The following CDC42BPA variants were observed in gnomAD, a reference collection of about 807,000 sequenced individuals.
CDC42BPA encodes serine/threonine-protein kinase MRCK alpha.
A neutral mutation model predicts 223.5 loss-of-function variants in CDC42BPA; 80 were observed. The ratio of observed to expected loss-of-function variants is 0.36; its 90% CI spans 0.30 to 0.43. The LOEUF (loss-of-function observed/expected upper bound fraction) is 0.43, where lower values mean the gene tolerates loss of function less well. Ranked by LOEUF, CDC42BPA falls within the 20% of genes least tolerant of loss-of-function variation. CDC42BPA has a pLI of 1.00. For missense variants in CDC42BPA, 1,743 were observed against 2,099.9 expected (o/e 0.83, Z 3.32); for synonymous variants, 694 against 718.6 (o/e 0.97, Z 0.55).
intron 1 of CDC42BPA, among the ~76,000 whole-genome samples, chr1:227,283,534 T>A (rs1370061759): frequency 6.6e-6 from 1 of 152,154 alleles, no homozygotes; most frequent in African/African-American, 2.4e-5. Flanking sequence ...TATAATTATA[T>A]TTATTTTCAA....
chr1:227,293,362 A>AGGGG, intron 1 of CDC42BPA, among the ~76,000 whole-genome samples: 2 of 152,214 alleles, frequency 1.3e-5, no homozygotes, highest in Non-Finnish European at 2.9e-5. Flanking sequence ...ATTACCACAA[A>AGGGG]AAGAGAATTA....
At chr1:227,256,539 T>C (rs1031711431) in intron 1 of CDC42BPA, among the ~76,000 whole-genome samples, 1 of 151,736 alleles carries the variant, frequency 6.6e-6, no homozygotes, top group Non-Finnish European at 1.5e-5. Context: ...GAAAAGATAC[T>C]CAACATCACT....
At chr1:227,197,833 T>C (rs1433483814) in intron 4 of CDC42BPA, among the ~76,000 whole-genome samples, 1 of 152,168 alleles carries the variant, frequency 6.6e-6, no homozygotes, top group African/African-American at 2.4e-5. Flanking sequence ...ATGTGGGATG[T>C]GTTTTAATTT....
intron 10 of CDC42BPA, among the ~76,000 whole-genome samples, chr1:227,137,609 A>C (rs1232293142): frequency 1.3e-5 from 2 of 152,008 alleles, no homozygotes; most frequent in African/African-American, 4.8e-5. Flanking sequence ...GAAATAACCC[A>C]AATATTTACC....
intron 32 of CDC42BPA, among the ~76,000 whole-genome samples, chr1:227,022,022 C>T (rs1451383009): frequency 7.0e-5 from 2 of 28,494 alleles, no homozygotes; most frequent in Non-Finnish European, 1.5e-4. Flanking sequence ...CCGTCTCCCC[C>T]GCAAAAAAAA....
At chr1:227,314,404 T>C (rs974833847) in intron 1 of CDC42BPA, among the ~76,000 whole-genome samples, 6 of 152,086 alleles carry the variant, frequency 3.9e-5, no homozygotes, top group African/African-American at 4.8e-5. Context: ...TTTCCACTTA[T>C]TTCCTCCCTC....
intron 22 of CDC42BPA, 126 bp downstream of exon 22, chr1:227,051,755 G>A: frequency 2.3e-6 from 1 of 441,634 alleles, no homozygotes; most frequent in South Asian, 1.9e-5. Flanking sequence ...TAAATGTAAT[G>A]ATCTCCAATA....
chr1:227,278,897 A>C (rs60039374), intron 1 of CDC42BPA, among the ~76,000 whole-genome samples: 4,562 of 152,280 alleles, frequency 0.03, 204 homozygotes, highest in African/African-American at 0.1. Flanking sequence ...AATTTAAATT[A>C]GCCCAATATG....
intron 10 of CDC42BPA, among the ~76,000 whole-genome samples, chr1:227,132,945 G>A (rs1037391153): frequency 6.7e-6 from 1 of 149,188 alleles, no homozygotes; most frequent in Admixed American, 6.6e-5. Context: ...CAGCCGCCCT[G>A]TCTGAGAAGT....
At chr1:227,162,483 C>T (rs1183666525) in intron 5 of CDC42BPA, among the ~76,000 whole-genome samples, 1 of 152,124 alleles carries the variant, frequency 6.6e-6, no homozygotes, top group East Asian at 1.9e-4. Flanking sequence ...TTATAAATGA[C>T]ACCAAACTGT....
chr1:227,264,207 G>A (rs1037828454), intron 1 of CDC42BPA, among the ~76,000 whole-genome samples: 1 of 152,124 alleles, frequency 6.6e-6, no homozygotes, highest in African/African-American at 2.4e-5. Flanking sequence ...TTATTTCACA[G>A]GCAATTTTAA....
intron 35 of CDC42BPA, among the ~76,000 whole-genome samples, chr1:227,003,655 C>T (rs544964747): frequency 3.7e-4 from 56 of 152,220 alleles, no homozygotes; most frequent in Admixed American, 1.6e-3. Context: ...TTCAGGCAGA[C>T]AATATCTTTT....
In CDC42BPA at chr1:227,072,072, G is replaced by A. The variant is rs557682993; in HGVS notation, c.2827+136C>T. ...ATGCACATGCATCATATATACACAC[G>A]TATATTCATAAATGAGTGCCAGAAT... On this transcript the variant is annotated intron_variant, in intron 20 of 36. Coordinates refer to ENST00000366766, the MANE Select transcript of CDC42BPA (RefSeq NM_001394014.1). 9.3e-6 allele frequency: 5 copies of A among 536,900 alleles called. No individual in the cohort carries two copies. The Admixed American group carries it at 1.4e-4, about 15-fold the overall frequency. 33.3% of individuals were successfully genotyped at this position (536,900 alleles called of 1,614,324 possible).
At chr1:227,132,375 C>T (rs1410170150) in intron 10 of CDC42BPA, among the ~76,000 whole-genome samples, 1 of 151,884 alleles carries the variant, frequency 6.6e-6, no homozygotes, top group Non-Finnish European at 1.5e-5. Context: ...GCGAGTGATC[C>T]GCCAGCCTCG....
At chr1:227,298,154 T>C (rs1004015136) in intron 1 of CDC42BPA, among the ~76,000 whole-genome samples, 4 of 151,652 alleles carry the variant, frequency 2.6e-5, no homozygotes, top group African/African-American at 9.7e-5. Flanking sequence ...TTCACACATA[T>C]GGCATTTTCC....
chr1:227,249,140 C>T (rs998625292), intron 2 of CDC42BPA, among the ~76,000 whole-genome samples: 2 of 152,070 alleles, frequency 1.3e-5, no homozygotes, highest in African/African-American at 4.8e-5. Context: ...CACATACATA[C>T]AGGGAACTAA....
chr1:227,180,627 A>C (rs1667772227), intron 5 of CDC42BPA: 1 of 152,226 alleles, frequency 6.6e-6, no homozygotes, highest in Non-Finnish European at 1.5e-5. Context: ...AGTTGGTAAC[A>C]TTTTGGTGCC....
intron 24 of CDC42BPA, among the ~76,000 whole-genome samples, chr1:227,037,662 C>T (rs1670534138): frequency 1.3e-5 from 2 of 152,184 alleles, no homozygotes; most frequent in Non-Finnish European, 2.9e-5. Flanking sequence ...CCCATTCTAA[C>T]AGCAGAAGAG....
rs554907430 is a variant in CDC42BPA at position 227,121,898 on chromosome 1, T to G, written c.1514-1961A>C. On this transcript the variant is annotated intron_variant, in intron 11 of 36. Coordinates refer to ENST00000366766, the MANE Select transcript of CDC42BPA (RefSeq NM_001394014.1). ...TCACTGCAACCTCCGCCTTCCAGGT[T>G]CAAGCAATTCTCCTGCCTCAGCCTC... is the stretch of plus-strand genomic sequence containing the variant. Among the ~76,000 whole-genome samples, 292 of 151,884 alleles carry G rather than the reference T, an allele frequency of 1.9e-3. 1 individual carries two copies. Among genetic ancestry groups the G allele is most frequent in the Non-Finnish European group, 2.1e-3 (144 of 67,944 alleles).
Sources: gnomAD v4.1 joint callset for allele counts (sites outside exome capture counted in the v4.1 genomes callset) on GRCh38, gnomAD v4.1.1 for gene constraint, MANE v1.5 for transcripts, NCBI Gene and HGNC (gene_info 2026-07-23, HGNC 2026-07-21) for gene names.